Variants in PRSS55 observed in about 807,000 individuals in gnomAD.
PRSS55 encodes the protein serine protease 55.
Under a neutral mutation model 23.6 loss-of-function variants are expected in PRSS55, and 41 were observed. The observed-to-expected ratio is 1.74, with a 90% CI of 1.35 to 2.26. The LOEUF (loss-of-function observed/expected upper bound fraction) is 2.26. Among genes scored for constraint, PRSS55 ranks in the 30% most tolerant of loss-of-function variants. The pLI is 0.00. For synonymous variants in PRSS55, 262 were observed against 175.5 expected (o/e 1.49, Z -3.90); for missense variants, 669 against 439.1 (o/e 1.52, Z -4.68).
chr8:10,533,746 T>C (rs1812352875), intron 4 of PRSS55, among the ~76,000 whole-genome samples: 1 of 152,208 alleles, frequency 6.6e-6, no homozygotes, highest in Non-Finnish European at 1.5e-5. Flanking sequence ...AGCTGAAGAC[T>C]AGGGACCTGC....
downstream of PRSS55, among the ~76,000 whole-genome samples, chr8:10,543,412 TC>T (rs1812715712): frequency 6.1e-5 from 2 of 32,718 alleles, no homozygotes; most frequent in Non-Finnish European, 1.7e-4. Flanking sequence ...TTTCTTTCTT[TC>T]TTCTTTCTTT....
Position 10,538,417 on chromosome 8 carries a change from A to T in PRSS55, c.742-59A>T, listed in dbSNP as rs1380682642. 5.2e-6 allele frequency: 7 copies of T among 1,342,514 alleles called. No individual in the cohort carries two copies. In the South Asian group the frequency reaches 9.4e-5, roughly 18 times the overall value. The allele number at this position is 1,342,514 out of a possible 1,614,324, so 83.2% of individuals were successfully genotyped here. A position where few individuals can be genotyped will look rare whatever the true frequency, so the allele number is the denominator to read the frequency against. On this transcript the variant is annotated intron_variant, in intron 4 of 4. Coordinates refer to ENST00000328655, the MANE Select transcript of PRSS55 (RefSeq NM_198464.4). Reference sequence around the variant, plus strand: ...AATCTTCCATGAATGAGCTGTGCCCAGCCTCAGATGGGCAGCTTAGAACCG... The same window carrying T: ...AATCTTCCATGAATGAGCTGTGCCCTGCCTCAGATGGGCAGCTTAGAACCG...
chr8:10,528,455 C>T (rs1812116018), intron 1 of PRSS55, among the ~76,000 whole-genome samples: 1 of 152,212 alleles, frequency 6.6e-6, no homozygotes, highest in Non-Finnish European at 1.5e-5. Context: ...GAACACAAGG[C>T]AGACAGTCAA....
chr8:10,530,988 G>C (rs4841365), intron 2 of PRSS55, among the ~76,000 whole-genome samples: 110,303 of 152,062 alleles, frequency 0.73, 40,120 homozygotes, highest in East Asian at 0.78. Flanking sequence ...TTTGTGGGCT[G>C]TGTAGAGTGC....
intron 4 of PRSS55, among the ~76,000 whole-genome samples, chr8:10,549,843 T>A (rs112946129): frequency 0.034 from 5,238 of 152,294 alleles, 300 homozygotes; most frequent in African/African-American, 0.12. Context: ...GGTAAGGCCC[T>A]GTTCCCGGCC....
chr8:10,530,731 G>A (rs988169587), intron 2 of PRSS55, among the ~76,000 whole-genome samples: 3 of 152,096 alleles, frequency 2.0e-5, no homozygotes, highest in East Asian at 1.9e-4. Flanking sequence ...TCAAAAACCC[G>A]GGGACAGTTT....
Position 10,529,676 on chromosome 8 carries a change from C to T in PRSS55, c.324C>T (p.His108=), listed in dbSNP as rs951897463. 2 of 1,614,112 alleles carry T rather than the reference C, an allele frequency of 1.2e-6. No individual in the cohort carries two copies. The highest frequency in any genetic ancestry group is 3.3e-5 in the Admixed American group (2 of 60,024). Residue 108 remains histidine (H), a synonymous_variant, in exon 2 of 5, where the codon CAC becomes CAT. Transcript: ENST00000328655. ...AGTGGTGGATTCTCACTGCGGCTCA[C>T]TGCTTATATTCCGAGGAGCTGTTGT... ...LNKWWILTAA[H]CLYSEELFPE... is the part of the protein sequence containing the mutation.
At chr8:10,550,501 G>C (rs1812928502) in intron 4 of PRSS55, among the ~76,000 whole-genome samples, 1 of 152,140 alleles carries the variant, frequency 6.6e-6, no homozygotes, top group Non-Finnish European at 1.5e-5. Flanking sequence ...CCCTTGATGG[G>C]ACTTCCAAGA....
downstream of PRSS55, among the ~76,000 whole-genome samples, chr8:10,542,941 G>T (rs898699875): frequency 1.3e-5 from 2 of 151,516 alleles, no homozygotes; most frequent in Admixed American, 6.6e-5. Context: ...CAAGGCTCAG[G>T]TGTCTGTGGC....
At chr8:10,549,873 A>G (rs35858883) in intron 4 of PRSS55, among the ~76,000 whole-genome samples, 29,776 of 152,228 alleles carry the variant, frequency 0.2, 3,148 homozygotes, top group East Asian at 0.34. Flanking sequence ...GTCTTTCTGT[A>G]GTGAAATGAT....
At chr8:10,549,032 G>C (rs932611528) in intron 4 of PRSS55, among the ~76,000 whole-genome samples, 9 of 152,202 alleles carry the variant, frequency 5.9e-5, no homozygotes, top group Non-Finnish European at 5.9e-5. Flanking sequence ...ACAGGCATAA[G>C]CTCAATAGAT....
intron 4 of PRSS55, among the ~76,000 whole-genome samples, chr8:10,545,982 C>G (rs1429376203): frequency 6.6e-6 from 1 of 152,120 alleles, no homozygotes; most frequent in African/African-American, 2.4e-5. Flanking sequence ...GCGCTGTCCT[C>G]AGATTACCCT....
intron 4 of PRSS55, among the ~76,000 whole-genome samples, chr8:10,550,155 T>C (rs181290564): frequency 1.6e-3 from 238 of 152,276 alleles, no homozygotes; most frequent in African/African-American, 5.5e-3. Context: ...ACTCCTGATT[T>C]CAGGTGATCC....
At chr8:10,544,971 G>A (rs1342993257) in intron 4 of PRSS55, 3 of 980,980 alleles carry the variant, frequency 3.1e-6, no homozygotes, top group Non-Finnish European at 2.4e-6. Flanking sequence ...AACTTTAACA[G>A]GGACAGAAAA....
At chr8:10,543,499 G>T (rs1186651781), downstream of PRSS55, among the ~76,000 whole-genome samples, 2 of 101,676 alleles carry the variant, frequency 2.0e-5, no homozygotes, top group African/African-American at 7.0e-5. Context: ...TTTTTTCCAA[G>T]GTCTTCACTC....
intron 4 of PRSS55, among the ~76,000 whole-genome samples, chr8:10,544,025 G>T (rs1444075047): frequency 6.6e-6 from 1 of 152,150 alleles, no homozygotes; most frequent in Non-Finnish European, 1.5e-5. Context: ...TTCTATAGAT[G>T]TTTATTAGGT....
At chr8:10,529,481 C>T in intron 1 of PRSS55, 26 bp from the exon 2 acceptor site, 1 of 1,612,176 alleles carries the variant, frequency 6.2e-7, no homozygotes, top group East Asian at 2.2e-5. Context: ...TCCCCTTTTC[C>T]TTTCCACTCT....
chr8:10,549,000 G>A (rs920499446), intron 4 of PRSS55, among the ~76,000 whole-genome samples: 2 of 152,128 alleles, frequency 1.3e-5, no homozygotes, highest in Non-Finnish European at 1.5e-5. Context: ...CTGGCATCTC[G>A]TCTGTGGGTG....
rs1305029962 is a variant in PRSS55 at position 10,525,672 on chromosome 8, G to T, written c.87G>T (p.Val29=). 44 of 1,613,952 alleles carry T rather than the reference G, an allele frequency of 2.7e-5. No individual in the cohort carries two copies. The highest frequency in any genetic ancestry group is 3.6e-5 in the Non-Finnish European group (42 of 1,180,016). The change falls in exon 1 of 5, where the codon GTG becomes GTT. Residue 29 remains valine, a synonymous_variant. Transcript: ENST00000328655. ...GGACTCCTCTCCCAGAGGCTGGAGTGGCTATCCTAGGCAGGGCTAGGGGAG... is the reference window on the plus strand; with the variant it reads ...GGACTCCTCTCCCAGAGGCTGGAGTTGCTATCCTAGGCAGGGCTAGGGGAG... The part of the protein sequence containing the change: ...GPRTPLPEAG[V]AILGRARGAH...
Sources: allele counts gnomAD v4.1 joint callset (sites outside exome capture counted in the v4.1 genomes callset), GRCh38; gene constraint gnomAD v4.1.1; transcripts MANE v1.5; gene names NCBI Gene and HGNC (gene_info 2026-07-23, HGNC 2026-07-21).